The following WDR70 variants were observed in gnomAD, a reference collection of about 807,000 sequenced individuals.
WDR70 encodes the protein WD repeat domain 70, also known as WD repeat-containing protein 70.
WDR70 carries 53 observed loss-of-function variants against 88.6 expected under a neutral mutation model. That is an observed-to-expected ratio of 0.60 (90% CI 0.48 to 0.75). The LOEUF is 0.75. Ranked by LOEUF, WDR70 falls within the 30% of genes least tolerant of loss-of-function variation. The pLI is 0.00. For synonymous variants in WDR70, 280 were observed against 270.0 expected (o/e 1.04, Z -0.36); for missense variants, 610 against 823.2 (o/e 0.74, Z 3.17).
chr5:37,497,225 TCCTC>T (rs935267502), intron 8 of WDR70, among the ~76,000 whole-genome samples: 10 of 131,196 alleles, frequency 7.6e-5, no homozygotes, highest in African/African-American at 2.4e-4. Flanking sequence ...TCCTCCTCCG[TCCTC>T]CCTCCCTCCT....
At chr5:37,392,934 C>T (rs764235722) in intron 4 of WDR70, among the ~76,000 whole-genome samples, 1 of 152,024 alleles carries the variant, frequency 6.6e-6, no homozygotes, top group Non-Finnish European at 1.5e-5. Flanking sequence ...TGTGAGCCAC[C>T]GTGCCTGGCA....
rs140057502 is a variant in WDR70, at chr5:37,532,526, T to G, written c.917+15936T>G. 2.3e-3 allele frequency among the ~76,000 whole-genome samples: 344 copies of G among 152,226 alleles called. 4 individuals carry two copies. The East Asian group carries it at 0.032, about 14-fold the overall frequency. On this transcript the variant is annotated intron_variant, in intron 9 of 17. Transcript: ENST00000265107. ...GCCTTGTCTTCGAGCCCTGAAGTTCTTTCTTCTGCTTGTTCAGTTCTATTG... is the reference window on the plus strand; with the variant it reads ...GCCTTGTCTTCGAGCCCTGAAGTTCGTTCTTCTGCTTGTTCAGTTCTATTG...
intron 5 of WDR70, among the ~76,000 whole-genome samples, chr5:37,415,584 C>A (rs1356589658): frequency 7.1e-6 from 1 of 141,304 alleles, no homozygotes; most frequent in Non-Finnish European, 1.6e-5. Context: ...ACCTCCCTCC[C>A]GGACGGGGCG....
intron 5 of WDR70, among the ~76,000 whole-genome samples, chr5:37,430,045 C>G (rs1223287750): frequency 6.6e-6 from 1 of 151,956 alleles, no homozygotes; most frequent in Non-Finnish European, 1.5e-5. Flanking sequence ...GTTAAGTGTA[C>G]AGGTCTTGCA....
chr5:37,379,408 C>T lies in WDR70; in HGVS notation c.25+16C>T. ...CCCAGCGAAGGTGGGTTTCATGAGG[C>T]GAGTCCGGGCGGGGTGGGCCGTGTC... On this transcript the variant is annotated intron_variant, in intron 1 of 17. Coordinates refer to ENST00000265107, the MANE Select transcript of WDR70 (RefSeq NM_018034.4). The T allele has an allele frequency of 6.2e-7, 1 of 1,613,546 alleles. No individual in the cohort carries two copies. Among genetic ancestry groups the T allele is most frequent in the Non-Finnish European group, 8.5e-7 (1 of 1,179,822 alleles).
chr5:37,433,312 T>C (rs1750370032), intron 5 of WDR70, among the ~76,000 whole-genome samples: 1 of 152,086 alleles, frequency 6.6e-6, no homozygotes, highest in African/African-American at 2.4e-5. Context: ...CCGCCTACCT[T>C]GGCCTTACAA....
intron 13 of WDR70, among the ~76,000 whole-genome samples, chr5:37,703,493 A>G (rs1747227791): frequency 6.6e-6 from 1 of 152,260 alleles, no homozygotes; most frequent in South Asian, 2.1e-4. Flanking sequence ...GAAAACTTTG[A>G]CAGAACTCTG....
intron 7 of WDR70, among the ~76,000 whole-genome samples, chr5:37,451,086 C>CG (rs1397218213): frequency 1.4e-5 from 1 of 69,884 alleles, no homozygotes; most frequent in Non-Finnish European, 3.8e-5. Flanking sequence ...TTAATAGAGT[C>CG]GGGGTTTCTC....
intron 11 of WDR70, among the ~76,000 whole-genome samples, chr5:37,698,122 A>G (rs1401422234): frequency 6.6e-6 from 1 of 151,964 alleles, no homozygotes; most frequent in Admixed American, 6.6e-5. Flanking sequence ...AAAGTCTTCT[A>G]TTTGTTGCTT....
chr5:37,706,025 TG>T (rs781279392), intron 13 of WDR70, among the ~76,000 whole-genome samples: 3 of 152,240 alleles, frequency 2.0e-5, no homozygotes. Context: ...AGTCAGAAGA[TG>T]TTAACAATCT....
At chr5:37,650,532 G>A (rs556451564) in intron 10 of WDR70, among the ~76,000 whole-genome samples, 48 of 152,276 alleles carry the variant, frequency 3.2e-4, no homozygotes, top group Admixed American at 7.8e-4. Flanking sequence ...AAAATAGGAA[G>A]TCAAGACTGG....
At chr5:37,705,774 GT>G (rs767452575) in intron 13 of WDR70, among the ~76,000 whole-genome samples, 2 of 152,306 alleles carry the variant, frequency 1.3e-5, no homozygotes, top group African/African-American at 2.4e-5. Context: ...ACTGTGTTGA[GT>G]TTTAATTTGC....
chr5:37,578,267 A>G (rs1370904712), intron 9 of WDR70, among the ~76,000 whole-genome samples: 2 of 152,190 alleles, frequency 1.3e-5, no homozygotes, highest in African/African-American at 4.8e-5. Flanking sequence ...CAGAGTGGAG[A>G]GGAAGAATGA....
At chr5:37,681,276 T>G (rs1379430146) in intron 10 of WDR70, among the ~76,000 whole-genome samples, 1 of 152,178 alleles carries the variant, frequency 6.6e-6, no homozygotes, top group East Asian at 1.9e-4. Context: ...GTATGTTGGT[T>G]TTGTATCCTG....
chr5:37,449,064 T>G (rs1738583058), intron 7 of WDR70, among the ~76,000 whole-genome samples: 1 of 152,238 alleles, frequency 6.6e-6, no homozygotes, highest in Admixed American at 6.5e-5. Flanking sequence ...CATATGCCAT[T>G]CTTTGGCTGC....
At chr5:37,525,222 G>A (rs1741227196) in intron 9 of WDR70, among the ~76,000 whole-genome samples, 1 of 152,134 alleles carries the variant, frequency 6.6e-6, no homozygotes, top group African/African-American at 2.4e-5. Context: ...TGACCACATA[G>A]TTGGAAGTAA....
At chr5:37,711,506 C>A (rs550298117) in intron 13 of WDR70, among the ~76,000 whole-genome samples, 5 of 152,178 alleles carry the variant, frequency 3.3e-5, no homozygotes, top group Non-Finnish European at 7.3e-5. Context: ...CTCTGGTCCT[C>A]ATGGAGTTGG....
intron 10 of WDR70, among the ~76,000 whole-genome samples, chr5:37,678,183 C>T (rs1233166066): frequency 1.3e-5 from 2 of 152,162 alleles, no homozygotes; most frequent in Non-Finnish European, 2.9e-5. Flanking sequence ...GACTCTTTAT[C>T]CAATTTGCCA....
intron 7 of WDR70, among the ~76,000 whole-genome samples, chr5:37,469,229 C>T (rs1478047021): frequency 2.0e-5 from 3 of 152,036 alleles, no homozygotes; most frequent in African/African-American, 7.2e-5. Context: ...GCTAGGGTGG[C>T]AGTAGGATCT....
Sources: allele counts gnomAD v4.1 joint callset (sites outside exome capture counted in the v4.1 genomes callset), GRCh38; gene constraint gnomAD v4.1.1; transcripts MANE v1.5; gene names NCBI Gene and HGNC (gene_info 2026-07-23, HGNC 2026-07-21).